MYLK: variants seen among roughly 807,000 people sequenced by gnomAD.
The protein encoded by MYLK is myosin light chain kinase.
MYLK carries 106 observed loss-of-function variants against 203.4 expected under a neutral mutation model. The observed-to-expected ratio is 0.52, with a 90% CI of 0.45 to 0.61. The LOEUF is 0.61. Among genes scored for constraint, MYLK ranks in the 20% least tolerant of loss-of-function variants. The pLI is 0.00. For missense variants in MYLK, 2,072 were observed against 2,442.3 expected (o/e 0.85, Z 3.20); for synonymous variants, 867 against 959.5 (o/e 0.90, Z 1.78).
At chr3:123,784,206 A>C (rs1186231496) in intron 4 of MYLK, among the ~76,000 whole-genome samples, 1 of 152,174 alleles carries the variant, frequency 6.6e-6, no homozygotes, top group Non-Finnish European at 1.5e-5. Context: ...CCTCTGGGCC[A>C]GTGTGGCCAT....
chr3:123,628,515 C>T (rs911964771), intron 30 of MYLK, among the ~76,000 whole-genome samples: 8 of 152,172 alleles, frequency 5.3e-5, no homozygotes, highest in African/African-American at 9.7e-5. Flanking sequence ...CCAAGCTCCT[C>T]GGCACCCCTA....
chr3:123,801,779 T>C (rs369991236), intron 3 of MYLK, among the ~76,000 whole-genome samples: 10 of 152,356 alleles, frequency 6.6e-5, no homozygotes, highest in African/African-American at 2.2e-4. Flanking sequence ...TATGGCTGCA[T>C]AATAGTCTAT....
In MYLK at chr3:123,651,650, A is replaced by G. The variant is rs148124552; in HGVS notation, c.4289-2456T>C. Among the ~76,000 whole-genome samples, 813 of 152,256 alleles carry G rather than the reference A, an allele frequency of 5.3e-3. 11 individuals carry two copies. The highest frequency in any genetic ancestry group is 0.018 in the African/African-American group (731 of 41,546). ...AGCTTTCCTGGCCTGGTGTCAGGAGAAGCAGTCTTGCCAATGGCCCGGCAG... is the reference window on the plus strand; with the variant it reads ...AGCTTTCCTGGCCTGGTGTCAGGAGGAGCAGTCTTGCCAATGGCCCGGCAG... On this transcript the variant is annotated intron_variant, in intron 24 of 33. Coordinates refer to ENST00000360304, the MANE Select transcript of MYLK (RefSeq NM_053025.4).
chr3:123,757,774 AC>A (rs2063404155), intron 4 of MYLK, among the ~76,000 whole-genome samples: 1 of 152,172 alleles, frequency 6.6e-6, no homozygotes, highest in Non-Finnish European at 1.5e-5. Flanking sequence ...TTCTAGATGG[AC>A]ATCTCCCCTA....
Position 123,806,865 on chromosome 3 carries a change from A to C in MYLK, c.-3-13021T>G, listed in dbSNP as rs542270510. 4.6e-5 allele frequency among the ~76,000 whole-genome samples: 7 copies of C among 152,036 alleles called. 1 individual carries two copies. Among genetic ancestry groups the C allele is most frequent in the Middle Eastern group, 3.4e-3 (1 of 294 alleles). On this transcript the variant is annotated intron_variant, in intron 3 of 33. Transcript: ENST00000360304. Reference sequence around the variant, plus strand: ...TTTTTAGTAGAGATGGGGTTTCAGCATGTTGGCCAGGCTGGTCTCGAACTC... The same window carrying C: ...TTTTTAGTAGAGATGGGGTTTCAGCCTGTTGGCCAGGCTGGTCTCGAACTC...
chr3:123,780,954 A>C (rs1391223036), intron 4 of MYLK, among the ~76,000 whole-genome samples: 1 of 152,228 alleles, frequency 6.6e-6, no homozygotes, highest in Non-Finnish European at 1.5e-5. Flanking sequence ...GAAAGAGACC[A>C]CAACTGGCAA....
intron 29 of MYLK, 111 bp downstream of exon 29, chr3:123,637,960 C>T (rs2058702355): frequency 2.0e-6 from 3 of 1,510,824 alleles, no homozygotes; most frequent in Non-Finnish European, 2.7e-6. Context: ...GGGGGGGGCT[C>T]CCCATCATGA....
intron 4 of MYLK, among the ~76,000 whole-genome samples, chr3:123,792,338 A>C (rs1263669305): frequency 1.3e-5 from 2 of 152,200 alleles, no homozygotes; most frequent in East Asian, 3.8e-4. Context: ...ATAATTCAGT[A>C]TTTTATAATT....
intron 23 of MYLK, among the ~76,000 whole-genome samples, chr3:123,658,915 T>C (rs2059477129): frequency 6.6e-6 from 1 of 152,196 alleles, no homozygotes; most frequent in African/African-American, 2.4e-5. Flanking sequence ...CCAGAAACTG[T>C]CTACCCCAAT....
At chr3:123,652,895 A>G (rs2059262921) in intron 24 of MYLK, among the ~76,000 whole-genome samples, 1 of 152,076 alleles carries the variant, frequency 6.6e-6, no homozygotes, top group Admixed American at 6.5e-5. Flanking sequence ...TGGCATAGAG[A>G]AGCCACTGGA....
intron 11 of MYLK, among the ~76,000 whole-genome samples, chr3:123,728,543 C>A (rs572192829): frequency 3.3e-5 from 5 of 151,830 alleles, no homozygotes; most frequent in Admixed American, 6.6e-5. Context: ...CAAAAAACCC[C>A]AAACAACAAT....
intron 27 of MYLK, among the ~76,000 whole-genome samples, chr3:123,644,790 G>A (rs1486120995): frequency 6.6e-6 from 1 of 152,190 alleles, no homozygotes; most frequent in Non-Finnish European, 1.5e-5. Flanking sequence ...AAAATGGGGA[G>A]GAACATTTGA....
At chr3:123,722,672 C>T (rs1485528836) in intron 12 of MYLK, among the ~76,000 whole-genome samples, 2 of 152,196 alleles carry the variant, frequency 1.3e-5, no homozygotes, top group Non-Finnish European at 2.9e-5. Flanking sequence ...GACTTTTACA[C>T]GGTCATCTGG....
chr3:123,662,843 C>G (rs1053421597), intron 23 of MYLK, among the ~76,000 whole-genome samples: 2 of 152,222 alleles, frequency 1.3e-5, no homozygotes, highest in Non-Finnish European at 2.9e-5. Flanking sequence ...CCAACCTGTC[C>G]TCCCCAAGGC....
rs1357866753 is a variant in MYLK at position 123,675,310 on chromosome 3, G to T, written c.3652+6914C>A. Among the ~76,000 whole-genome samples, 4 of 152,182 alleles carry T rather than the reference G, an allele frequency of 2.6e-5. No individual in the cohort carries two copies. In the East Asian group the frequency reaches 7.7e-4, roughly 29 times the overall value. On this transcript the variant is annotated intron_variant, in intron 20 of 33. Transcript: ENST00000360304. ...CTGGGAAACCTGGGGCAGGGGTGGG[G>T]AGGCCAGCCTCCTAATTGTTCAGGT...
chr3:123,818,039 A>T (rs1240603136), intron 3 of MYLK, among the ~76,000 whole-genome samples: 1 of 152,112 alleles, frequency 6.6e-6, no homozygotes, highest in Non-Finnish European at 1.5e-5. Flanking sequence ...GGGGACCTTG[A>T]CAGAGCCCAG....
intron 5 of MYLK, among the ~76,000 whole-genome samples, chr3:123,743,630 T>C (rs989131383): frequency 6.6e-6 from 1 of 152,062 alleles, no homozygotes; most frequent in Non-Finnish European, 1.5e-5. Flanking sequence ...AGCAAGTTGC[T>C]GAGAAAAAGG....
At chr3:123,657,533 A>G (rs1429170282) in intron 23 of MYLK, 105 bp from the exon 24 acceptor site, 2 of 1,137,140 alleles carry the variant, frequency 1.8e-6, no homozygotes, top group East Asian at 2.5e-5. Flanking sequence ...AGAGAACCCA[A>G]TCCAAAGTCC....
At position 123,614,284 on chromosome 3, in the gene MYLK, G is replaced by A; in HGVS notation, c.5566C>T (p.Gln1856Ter). The change falls in exon 34 of 34, where the codon CAG becomes TAG. Residue 1856 changes from glutamine (Q) to a stop codon, truncating the protein, a stop_gained. Transcript: ENST00000360304. LOFTEE classifies it high-confidence loss of function. Reference sequence around the variant, plus strand: ...TTCCCGTCCTCATCGTAGTCTATCTGGAAGTGGCGGGACTCCCTGATTGAC... The same window carrying A: ...TTCCCGTCCTCATCGTAGTCTATCTAGAAGTGGCGGGACTCCCTGATTGAC... ...DQSIRESRHFQIDYDEDGNCS... is the reference protein window; with the variant it reads ...DQSIRESRHF 6.2e-7 allele frequency: 1 copy of A among 1,614,110 alleles called. No homozygotes were observed. The highest frequency in any genetic ancestry group is 8.5e-7 in the Non-Finnish European group (1 of 1,180,026).
Sources: gnomAD v4.1 joint callset for allele counts (sites outside exome capture counted in the v4.1 genomes callset) on GRCh38, gnomAD v4.1.1 for gene constraint, MANE v1.5 for transcripts, NCBI Gene and HGNC (gene_info 2026-07-23, HGNC 2026-07-21) for gene names.